Variants in NLRP4 observed in about 807,000 individuals in gnomAD.
NLRP4 encodes the protein NACHT, LRR and PYD domains-containing protein 4.
NLRP4 carries 44 observed loss-of-function variants against 84.7 expected under a neutral mutation model. The ratio of observed to expected loss-of-function variants is 0.52; its 90% CI spans 0.41 to 0.67. NLRP4 has a LOEUF of 0.67. Among genes scored for constraint, NLRP4 ranks in the 30% least tolerant of loss-of-function variants. The pLI is 0.00. For missense variants in NLRP4, 1,260 were observed against 1,219.4 expected, an observed-to-expected ratio of 1.03 and a Z score of -0.50; for synonymous variants, 544 against 476.4, an observed-to-expected ratio of 1.14 and a Z score of -1.85.
At chr19:55,857,253 G>C (rs534205534) in intron 2 of NLRP4, among the ~76,000 whole-genome samples, 5 of 151,446 alleles carry the variant, frequency 3.3e-5, no homozygotes, top group African/African-American at 1.2e-4. Context: ...TTACATAGTA[G>C]CAATGAATGT....
intron 3 of NLRP4, 69 bp from the exon 4 acceptor site, chr19:55,861,317 C>T (rs1203449375): frequency 6.8e-6 from 9 of 1,314,502 alleles, no homozygotes; most frequent in Admixed American, 1.8e-5. Flanking sequence ...CAGCGTAGTG[C>T]GTATATGTGT....
chr19:55,840,338 A>G (rs867587980), intron 1 of NLRP4, among the ~76,000 whole-genome samples: 144 of 137,032 alleles, frequency 1.1e-3, no homozygotes, highest in African/African-American at 3.5e-3. Flanking sequence ...ACATATGTGT[A>G]TGTGTATGTG....
chr19:55,861,580 T>C (rs772994638), intron 4 of NLRP4, 33 bp downstream of exon 4: 1 of 1,600,846 alleles, frequency 6.2e-7, no homozygotes, highest in East Asian at 2.2e-5. Context: ...CTCGAGTATG[T>C]CACGGAGATG....
chr19:55,861,658 C>T (rs1056714547), intron 4 of NLRP4, 111 bp downstream of exon 4: 6 of 1,016,106 alleles, frequency 5.9e-6, no homozygotes, highest in African/African-American at 3.2e-5. Flanking sequence ...ACATCCAGAG[C>T]AGTTGCTCAA....
chr19:55,852,643 A>G (rs112701925), intron 2 of NLRP4, among the ~76,000 whole-genome samples: 1 of 151,774 alleles, frequency 6.6e-6, no homozygotes, highest in Non-Finnish European at 1.5e-5. Flanking sequence ...TGCCTGGCTA[A>G]TTTTTGTATT....
intron 5 of NLRP4, among the ~76,000 whole-genome samples, chr19:55,866,247 T>A (rs1467464146): frequency 2.0e-5 from 3 of 152,190 alleles, no homozygotes; most frequent in Non-Finnish European, 2.9e-5. Context: ...CTGGTCAGGA[T>A]GGCCTTGATC....
intron 3 of NLRP4, among the ~76,000 whole-genome samples, chr19:55,859,564 T>C (rs1984638119): frequency 6.6e-6 from 1 of 152,056 alleles, no homozygotes; most frequent in Non-Finnish European, 1.5e-5. Flanking sequence ...ATAATCGATA[T>C]TTTTCCATAG....
At chr19:55,842,179 C>T (rs186503316) in intron 1 of NLRP4, among the ~76,000 whole-genome samples, 4 of 152,194 alleles carry the variant, frequency 2.6e-5, no homozygotes, top group South Asian at 2.1e-4. Context: ...TTTCAACTTT[C>T]GTTTTTCCGT....
intron 1 of NLRP4, among the ~76,000 whole-genome samples, chr19:55,839,617 C>G (rs970687057): frequency 1.3e-5 from 2 of 151,882 alleles, no homozygotes; most frequent in African/African-American, 4.8e-5. Flanking sequence ...TTTTTGATAT[C>G]TGTAGGGTAT....
chr19:55,877,025 G>A lies in NLRP4; in HGVS notation c.2555G>A (p.Gly852Asp). ...CLVKCFITAA[G>D]CEDLASALIS... is the part of the protein sequence containing the mutation. ...GTAAAATGTTTTATCACTGCTGCTGGCTGTGAAGACCTCGCCTCTGCTCTC... is the reference window on the plus strand; with the variant it reads ...GTAAAATGTTTTATCACTGCTGCTGACTGTGAAGACCTCGCCTCTGCTCTC... Residue 852 changes from glycine to aspartate, a missense_variant, in exon 8 of 10, where the codon GGC becomes GAC. Transcript: ENST00000301295. The A allele has an allele frequency of 1.2e-6, 2 of 1,613,898 alleles. No individual in the cohort carries two copies. Among genetic ancestry groups the A allele is most frequent in the Non-Finnish European group, 1.7e-6 (2 of 1,179,868 alleles).
In NLRP4 at chr19:55,853,462, G is replaced by A. The variant is rs550057214; in HGVS notation, c.280+1102G>A. Among the ~76,000 whole-genome samples the A allele has an allele frequency of 2.8e-4, 42 of 152,230 alleles. 1 individual carries two copies. The South Asian group carries it at 5.4e-3, about 20-fold the overall frequency. ...GGGTGGAGTGCCGTGGCATCATCAC[G>A]GCTCACTGCAGCCTCAACTTCCTGG... On this transcript the variant is annotated intron_variant, in intron 2 of 9. Coordinates refer to ENST00000301295, the MANE Select transcript of NLRP4 (RefSeq NM_134444.5).
In NLRP4 at chr19:55,852,379, G is replaced by T. The variant is rs1478885952; in HGVS notation, c.280+19G>T. The T allele has an allele frequency of 1.3e-6, 2 of 1,552,184 alleles. No homozygotes were observed. The highest frequency in any genetic ancestry group is 1.2e-5 in the South Asian group (1 of 81,604). On this transcript the variant is annotated intron_variant, in intron 2 of 9. Transcript: ENST00000301295. ...AGAACAGGTGAGGGAGTCTGGGAAG[G>T]GGGAAGCCTTCTTATAATGAGGACT...
Position 55,850,805 on chromosome 19 carries a change from A to G in NLRP4, c.-65-1211A>G, listed in dbSNP as rs1013643744. ...GTGTAATTCCCGAGGCTGCGGTGTAATTTCCGAGGCTGCGGTGTAATGTCC... is the reference window on the plus strand; with the variant it reads ...GTGTAATTCCCGAGGCTGCGGTGTAGTTTCCGAGGCTGCGGTGTAATGTCC... On this transcript the variant is annotated intron_variant, in intron 1 of 9. Transcript: ENST00000301295. 2.7e-5 allele frequency among the ~76,000 whole-genome samples: 3 copies of G among 109,554 alleles called. 1 individual carries two copies. The highest frequency in any genetic ancestry group is 5.2e-5 in the Non-Finnish European group (3 of 57,418). The allele number at this position is 109,554 out of a possible 152,430, so 71.9% of individuals were successfully genotyped here.
At chr19:55,877,271 T>G (rs1200930171) in intron 8 of NLRP4, 105 bp downstream of exon 8, 1 of 1,012,982 alleles carries the variant, frequency 9.9e-7, no homozygotes, top group Non-Finnish European at 1.5e-6. Flanking sequence ...ACATAGCAGC[T>G]AGCTGTGGTT....
chr19:55,850,243 T>C (rs866960199), intron 1 of NLRP4, among the ~76,000 whole-genome samples: 1 of 129,766 alleles, frequency 7.7e-6, no homozygotes, highest in Non-Finnish European at 1.6e-5. Flanking sequence ...GGCTGCGGTG[T>C]AATTTCCGAG....
At chr19:55,854,367 T>C (rs978460072) in intron 2 of NLRP4, among the ~76,000 whole-genome samples, 1 of 152,210 alleles carries the variant, frequency 6.6e-6, no homozygotes, top group Non-Finnish European at 1.5e-5. Context: ...TCTTCTATTT[T>C]ATTGAGCATT....
intron 7 of NLRP4, among the ~76,000 whole-genome samples, chr19:55,872,752 A>G (rs1388543359): frequency 6.6e-6 from 1 of 152,200 alleles, no homozygotes; most frequent in Non-Finnish European, 1.5e-5. Context: ...GCGGAAAGAG[A>G]AAATATTTTA....
intron 8 of NLRP4, 104 bp from the exon 9 acceptor site, chr19:55,878,690 C>T (rs183510394): frequency 7.3e-5 from 71 of 968,942 alleles, no homozygotes; most frequent in South Asian, 1.4e-4. Flanking sequence ...AGAGATTGCA[C>T]TTGAGGCAAT....
chr19:55,851,451 G>T (rs1288600203), intron 1 of NLRP4, among the ~76,000 whole-genome samples: 4 of 33,804 alleles, frequency 1.2e-4, no homozygotes, highest in African/African-American at 6.4e-4. Context: ...TGTAATGTCC[G>T]TGGCTGCGGT....
Sources: allele counts gnomAD v4.1 joint callset (sites outside exome capture counted in the v4.1 genomes callset), GRCh38; gene constraint gnomAD v4.1.1; transcripts MANE v1.5; gene names NCBI Gene and HGNC (gene_info 2026-07-23, HGNC 2026-07-21).